Variants in IL12RB1 observed in about 807,000 individuals in gnomAD.
IL12RB1 encodes the protein interleukin 12 receptor subunit beta 1, also known as interleukin-12 receptor subunit beta-1.
Under a neutral mutation model 94.4 loss-of-function variants are expected in IL12RB1, and 64 were observed. The ratio of observed to expected loss-of-function variants is 0.68; its 90% CI spans 0.55 to 0.83. The LOEUF (loss-of-function observed/expected upper bound fraction) is 0.83. Ranked by LOEUF, IL12RB1 falls within the 40% of genes least tolerant of loss-of-function variation. The pLI, the probability that IL12RB1 is intolerant of heterozygous loss-of-function variation, is 0.00. For missense variants in IL12RB1, 814 were observed against 855.6 expected, an observed-to-expected ratio of 0.95 and a Z score of 0.61; for synonymous variants, 362 against 355.5, an observed-to-expected ratio of 1.02 and a Z score of -0.21.
intron 7 of IL12RB1, among the ~76,000 whole-genome samples, chr19:18,075,414 C>A (rs563281916): frequency 6.6e-6 from 1 of 151,996 alleles, no homozygotes; most frequent in Admixed American, 6.6e-5. Flanking sequence ...GCTCCCGCCA[C>A]CACGCCCAGC....
rs1458966977 is a variant in IL12RB1 at position 18,072,093 on chromosome 19, C to A, written c.1021+19G>T. 6.5e-7 allele frequency: 1 copy of A among 1,542,318 alleles called. No homozygotes were observed. Among genetic ancestry groups the A allele is most frequent in the Non-Finnish European group, 9.0e-7 (1 of 1,114,754 alleles). On this transcript the variant is annotated intron_variant, in intron 9 of 16. Coordinates refer to ENST00000593993, the MANE Select transcript of IL12RB1 (RefSeq NM_005535.3). ...CTCTGAGGGGCCCTCATACCGCCCT[C>A]CCCACCCAGAGGAGGCACCTGTGTG... is the stretch of plus-strand genomic sequence containing the variant.
At chr19:18,064,466 T>C (rs2034424464) in intron 12 of IL12RB1, among the ~76,000 whole-genome samples, 1 of 140,174 alleles carries the variant, frequency 7.1e-6, no homozygotes, top group Admixed American at 7.1e-5. Context: ...ATGCGCCCAT[T>C]CATCTCAAGA....
chr19:18,094,424 C>G (rs529444982), intron 1 of IL12RB1, among the ~76,000 whole-genome samples: 1 of 152,290 alleles, frequency 6.6e-6, no homozygotes, highest in South Asian at 2.1e-4. Context: ...CCAGCACACA[C>G]GGCCAACACA....
At chr19:18,074,103 G>C (rs908531637) in intron 7 of IL12RB1, among the ~76,000 whole-genome samples, 2 of 152,088 alleles carry the variant, frequency 1.3e-5, no homozygotes, top group African/African-American at 4.8e-5. Flanking sequence ...AATTATAGGC[G>C]TGAGCCACTG....
chr19:18,066,467 G>A (rs955822068), intron 12 of IL12RB1, 75 bp downstream of exon 12: 4 of 1,076,518 alleles, frequency 3.7e-6, no homozygotes, highest in Admixed American at 1.7e-5. Context: ...AGGTGCCCAG[G>A]GTCACACAGC....
chr19:18,092,310 GA>G (rs2036665412), intron 1 of IL12RB1, among the ~76,000 whole-genome samples: 1 of 150,768 alleles, frequency 6.6e-6, no homozygotes, highest in African/African-American at 2.4e-5. Context: ...GACCAACATG[GA>G]GAAACCCCGT....
chr19:18,068,479 A>G lies in IL12RB1; in HGVS notation c.1237T>C (p.Cys413Arg), dbSNP rs2034762205. 2 of 1,612,188 alleles carry G rather than the reference A, an allele frequency of 1.2e-6. No individual in the cohort carries two copies. The highest frequency in any genetic ancestry group is 1.3e-5 in the African/African-American group (1 of 74,906). Residue 413 changes from cysteine to arginine, a missense_variant, in exon 11 of 17, where the codon TGT becomes CGT. By Grantham distance (180) the Cys-to-Arg change is radical. Coordinates refer to ENST00000593993, the MANE Select transcript of IL12RB1 (RefSeq NM_005535.3). ...RESGAMGQEKCYYITIFASAH... is the reference protein window; with the variant it reads ...RESGAMGQEKRYYITIFASAH... ...GAGGCAAAGATGGTAATGTAGTAAC[A>G]CTTTTCCTGCCCCATTGCCCCAGAC...
chr19:18,086,687 C>A, intron 1 of IL12RB1, 73 bp downstream of exon 1: 2 of 1,464,656 alleles, frequency 1.4e-6, no homozygotes, highest in Admixed American at 2.0e-5. Context: ...ACACAGCAGG[C>A]CCACAGCTCT....
intron 1 of IL12RB1, among the ~76,000 whole-genome samples, chr19:18,085,755 C>T (rs1389120568): frequency 1.3e-5 from 2 of 151,938 alleles, no homozygotes; most frequent in Admixed American, 6.6e-5. Flanking sequence ...AGTACAGGTG[C>T]CCATCATCAA....
chr19:18,063,765 G>A, intron 13 of IL12RB1, 111 bp downstream of exon 13: 2 of 985,958 alleles, frequency 2.0e-6, no homozygotes, highest in Non-Finnish European at 3.0e-6. Flanking sequence ...CCTGAGGGCA[G>A]TAGGGAGCCA....
chr19:18,082,264 C>T lies in IL12RB1; in HGVS notation c.125G>A (p.Gly42Asp), dbSNP rs745661790. 6.3e-7 allele frequency: 1 copy of T among 1,590,154 alleles called. No homozygotes were observed. Among genetic ancestry groups the T allele is most frequent in the Non-Finnish European group, 8.6e-7 (1 of 1,160,160 alleles). ...CAGGTCCCTAGGGCCCGAGGCCGAG[C>T]CTGGAAGAGATCCTGTAGGCTTGGG... ...QDPPYPDADS[G>D]SASGPRDLRC... Residue 42 changes from glycine (G) to aspartate (D), a missense_variant and splice_region_variant, in exon 3 of 17, where the codon GGC becomes GAC. Transcript: ENST00000593993.
At position 18,069,585 on chromosome 19, in the gene IL12RB1, T is replaced by C; in HGVS notation, c.1150A>G (p.Ser384Gly). Reference protein sequence around the residue: ...VGQDGGLATCSLTAPQDPDPA... With the variant: ...VGQDGGLATCGLTAPQDPDPA... The stretch of plus-strand genomic sequence containing the variant: ...TCCGGGTCTTGCGGCGCAGTCAGGC[T>C]GCAGGTGGCAAGGCCCCCGTCCTGG... The change falls in exon 10 of 17, where the codon AGC (serine) becomes GGC (glycine). Residue 384 changes from serine to glycine, a missense_variant. Coordinates refer to ENST00000593993, the MANE Select transcript of IL12RB1 (RefSeq NM_005535.3). 6.2e-7 allele frequency: 1 copy of C among 1,612,222 alleles called. No homozygotes were observed. The highest frequency in any genetic ancestry group is 2.2e-5 in the East Asian group (1 of 44,882).
At chr19:18,082,356 C>A in intron 2 of IL12RB1, 92 bp from the exon 3 acceptor site, 1 of 771,918 alleles carries the variant, frequency 1.3e-6, no homozygotes. Flanking sequence ...CATCTTTCAG[C>A]GTCACCTCAG....
At chr19:18,080,663 C>T (rs1256557077) in intron 4 of IL12RB1, among the ~76,000 whole-genome samples, 169 bp downstream of exon 4, 1 of 152,150 alleles carries the variant, frequency 6.6e-6, no homozygotes, top group Non-Finnish European at 1.5e-5. Flanking sequence ...GTAAGGGGAC[C>T]ATGAAAGACT....
chr19:18,074,779 C>T (rs1398208705), intron 7 of IL12RB1, among the ~76,000 whole-genome samples: 3 of 151,156 alleles, frequency 2.0e-5, no homozygotes, highest in African/African-American at 7.3e-5. Context: ...AGGCCGGGCG[C>T]GGTGGCTCAC....
At position 18,068,472 on chromosome 19, in the gene IL12RB1, T is replaced by C; in HGVS notation, c.1244A>G (p.Tyr415Cys). 1.2e-6 allele frequency: 2 copies of C among 1,611,786 alleles called. No individual in the cohort carries two copies. The highest frequency in any genetic ancestry group is 1.7e-6 in the Non-Finnish European group (2 of 1,178,032). The change falls in exon 11 of 17, where the codon TAC becomes TGC. Residue 415 changes from tyrosine (Y) to cysteine (C), a missense_variant. Coordinates refer to ENST00000593993, the MANE Select transcript of IL12RB1 (RefSeq NM_005535.3). ...GTGCGCAGAGGCAAAGATGGTAATG[T>C]AGTAACACTTTTCCTGCCCCATTGC... ...SGAMGQEKCYYITIFASAHPE... is the reference protein window; with the variant it reads ...SGAMGQEKCYCITIFASAHPE...
intron 8 of IL12RB1, among the ~76,000 whole-genome samples, chr19:18,072,973 A>G (rs1041572952): frequency 6.6e-6 from 1 of 151,780 alleles, no homozygotes; most frequent in Non-Finnish European, 1.5e-5. Flanking sequence ...AAAGGAAAAA[A>G]AAGAAGAGGA....
At chr19:18,074,165 T>C (rs188409227) in intron 7 of IL12RB1, among the ~76,000 whole-genome samples, 1 of 152,076 alleles carries the variant, frequency 6.6e-6, no homozygotes, top group Admixed American at 6.6e-5. Flanking sequence ...TCTGCATGGT[T>C]TTGTTGTTGT....
At chr19:18,098,194 A>C (rs1382188653) in intron 1 of IL12RB1, among the ~76,000 whole-genome samples, 1 of 152,172 alleles carries the variant, frequency 6.6e-6, no homozygotes, top group Non-Finnish European at 1.5e-5. Context: ...CGATGTATTA[A>C]TATGAGTTCA....
Sources: allele counts gnomAD v4.1 joint callset (sites outside exome capture counted in the v4.1 genomes callset), GRCh38; gene constraint gnomAD v4.1.1; transcripts MANE v1.5; gene names NCBI Gene and HGNC (gene_info 2026-07-23, HGNC 2026-07-21).